GPHN: variants seen among roughly 807,000 people sequenced by gnomAD.
The protein encoded by GPHN is gephyrin.
A neutral mutation model predicts 95.5 loss-of-function variants in GPHN; 17 were observed. The ratio of observed to expected loss-of-function variants is 0.18; its 90% CI spans 0.12 to 0.27. GPHN has a LOEUF of 0.27. Among genes scored for constraint, GPHN ranks in the 10% least tolerant of loss-of-function variants. The probability of loss-of-function intolerance (pLI) is 1.00; values close to 1 mark genes in which losing one functional copy is unlikely to be tolerated. For synonymous variants in GPHN, 320 were observed against 322.5 expected (o/e 0.99, Z 0.08); for missense variants, 660 against 978.1 (o/e 0.67, Z 4.34).
chr14:67,380,622 C>A, the GPHN span: 2 of 1,219,880 alleles, frequency 1.6e-6, no homozygotes, highest in African/African-American at 1.6e-5. Context: ...AGTAATATAA[C>A]CTTGACCTTT....
chr14:66,652,515 T>C (rs2065095122), intron 1 of GPHN, among the ~76,000 whole-genome samples: 2 of 133,736 alleles, frequency 1.5e-5, no homozygotes, highest in South Asian at 4.6e-4. Context: ...GCTTCTTTTG[T>C]TTTTTGTGGG....
the GPHN span, among the ~76,000 whole-genome samples, chr14:67,611,338 G>A: frequency 6.6e-6 from 1 of 151,654 alleles, no homozygotes; most frequent in Non-Finnish European, 1.5e-5. Context: ...TCGGCTTACT[G>A]CAACCTCCAC....
chr14:67,266,188 A>G, the GPHN span, among the ~76,000 whole-genome samples: 1 of 152,116 alleles, frequency 6.6e-6, no homozygotes, highest in African/African-American at 2.4e-5. Flanking sequence ...AAAGAAATAT[A>G]TATTTATTTA....
the GPHN span, among the ~76,000 whole-genome samples, chr14:67,284,560 A>AC: frequency 0.17 from 22,849 of 131,732 alleles, 4,500 homozygotes; most frequent in East Asian, 0.44. Flanking sequence ...AAAAAAAAAA[A>AC]AAAAAAAAAA....
At chr14:67,727,735 GC>G in the GPHN span, 1 of 178,398 alleles carries the variant, frequency 5.6e-6, no homozygotes, top group African/African-American at 2.4e-5. Flanking sequence ...GGCAGAAGAG[GC>G]CTTTGGTAAC....
At chr14:66,919,393 A>C (rs1235496564) in intron 6 of GPHN, among the ~76,000 whole-genome samples, 1 of 152,236 alleles carries the variant, frequency 6.6e-6, no homozygotes, top group Non-Finnish European at 1.5e-5. Context: ...TGGGAAAAGA[A>C]GTAGAGAATA....
Position 67,079,234 on chromosome 14 carries a change from G to A in GPHN, c.1145-9749G>A, listed in dbSNP as rs147328974. 5.1e-3 allele frequency among the ~76,000 whole-genome samples: 781 copies of A among 152,008 alleles called. 4 individuals are homozygous for A. The highest frequency in any genetic ancestry group is 0.018 in the African/African-American group (731 of 41,460). ...CAAGATAAAATTCAAAGTATTCAGT[G>A]TTTTTAGTATATTCAGACATGTGTA... is the stretch of plus-strand genomic sequence containing the variant. On this transcript the variant is annotated intron_variant, in intron 11 of 22. Coordinates refer to ENST00000478722, the MANE Select transcript of GPHN (RefSeq NM_020806.5).
At chr14:66,639,451 G>A (rs972522732) in intron 1 of GPHN, among the ~76,000 whole-genome samples, 2 of 152,098 alleles carry the variant, frequency 1.3e-5, no homozygotes, top group South Asian at 2.1e-4. Context: ...TTGATGAAGC[G>A]TTAGTTGCAT....
intron 2 of GPHN, among the ~76,000 whole-genome samples, chr14:66,713,489 G>T (rs761857518): frequency 6.6e-6 from 1 of 152,032 alleles, no homozygotes; most frequent in Non-Finnish European, 1.5e-5. Flanking sequence ...GCATTGGCCC[G>T]TGTGCCTATT....
chr14:67,225,181 CT>C, the GPHN span: 1 of 1,574,960 alleles, frequency 6.3e-7, no homozygotes, highest in Non-Finnish European at 8.6e-7. Context: ...CTGTCTGCCC[CT>C]TTCTCAAGGG....
chr14:66,918,559 G>A (rs973421352), intron 6 of GPHN, among the ~76,000 whole-genome samples: 3 of 152,192 alleles, frequency 2.0e-5, no homozygotes, highest in African/African-American at 7.2e-5. Context: ...CATGTTTACT[G>A]CTAGACACGA....
chr14:66,614,390 C>A (rs1302661594), intron 1 of GPHN, among the ~76,000 whole-genome samples: 1 of 152,024 alleles, frequency 6.6e-6, no homozygotes, highest in Non-Finnish European at 1.5e-5. Context: ...CGCCTAAATC[C>A]CACTTTAAAA....
At chr14:67,651,281 G>A in the GPHN span, 2 of 1,596,068 alleles carry the variant, frequency 1.3e-6, no homozygotes, top group South Asian at 2.3e-5. Flanking sequence ...GTGCATCCTT[G>A]AACTGTCAGC....
At chr14:66,789,173 C>A (rs946584678) in intron 3 of GPHN, among the ~76,000 whole-genome samples, 1 of 152,164 alleles carries the variant, frequency 6.6e-6, no homozygotes, top group African/African-American at 2.4e-5. Context: ...TAATTTTTCA[C>A]AAACCTTCCA....
intron 1 of GPHN, among the ~76,000 whole-genome samples, chr14:66,636,326 A>C (rs1361629646): frequency 3.9e-5 from 6 of 151,992 alleles, no homozygotes; most frequent in Non-Finnish European, 8.8e-5. Context: ...AGTATCTATT[A>C]TTGGTAGCCA....
intron 3 of GPHN, among the ~76,000 whole-genome samples, chr14:66,782,024 C>A (rs1257407164): frequency 1.4e-4 from 21 of 152,062 alleles, no homozygotes; most frequent in Non-Finnish European, 2.9e-5. Flanking sequence ...TTTAAATATT[C>A]TTTGTCTGCA....
chr14:67,701,425 CTTTTTTTT>C, the GPHN span, among the ~76,000 whole-genome samples: 32 of 71,146 alleles, frequency 4.5e-4, no homozygotes, highest in Middle Eastern at 6.7e-3. Context: ...ATTATAATTT[CTTTTTTTT>C]TTTTTTTTTT....
chr14:67,468,016 C>A, the GPHN span, among the ~76,000 whole-genome samples: 2 of 152,074 alleles, frequency 1.3e-5, no homozygotes, highest in Non-Finnish European at 2.9e-5. Context: ...CTCTGTCACC[C>A]AGGCTAGAGT....
At chr14:66,912,288 C>G (rs982395856) in intron 5 of GPHN, among the ~76,000 whole-genome samples, 18 of 151,930 alleles carry the variant, frequency 1.2e-4, no homozygotes, top group African/African-American at 3.9e-4. Flanking sequence ...CTCTCTTTAC[C>G]TCTGTAACAA....
Sources: gnomAD v4.1 joint callset for allele counts (sites outside exome capture counted in the v4.1 genomes callset) on GRCh38, gnomAD v4.1.1 for gene constraint, MANE v1.5 for transcripts, NCBI Gene and HGNC (gene_info 2026-07-23, HGNC 2026-07-21) for gene names.